The following RASEF variants were observed in gnomAD, a reference collection of about 807,000 sequenced individuals.
RASEF encodes the protein ras and EF-hand domain-containing protein.
In RASEF, 68 loss-of-function variants were observed where a neutral mutation model predicts 90.1. The observed-to-expected ratio is 0.75, with a 90% confidence interval of 0.62 to 0.92. The LOEUF (loss-of-function observed/expected upper bound fraction) is 0.92, where lower values mean the gene tolerates loss of function less well. RASEF is among the 40% of genes least tolerant of loss of function. The pLI is 0.00. For missense variants in RASEF, 949 were observed against 937.2 expected (o/e 1.01, Z -0.16); for synonymous variants, 331 against 345.2 (o/e 0.96, Z 0.46).
chr9:83,162,956 C>A, the RASEF span, among the ~76,000 whole-genome samples: 1 of 152,192 alleles, frequency 6.6e-6, no homozygotes, highest in African/African-American at 2.4e-5. Context: ...TACCCTTGTG[C>A]TTCAATTAGA....
chr9:83,181,650 G>A, the RASEF span, among the ~76,000 whole-genome samples: 7 of 152,030 alleles, frequency 4.6e-5, no homozygotes, highest in African/African-American at 7.2e-5. Flanking sequence ...AGTTATTAAA[G>A]GATAAAAAGA....
intron 1 of RASEF, among the ~76,000 whole-genome samples, chr9:83,039,148 A>G (rs1728698745): frequency 6.6e-6 from 1 of 152,198 alleles, no homozygotes; most frequent in African/African-American, 2.4e-5. Context: ...TATGCTATCT[A>G]GAAGCCAAAT....
intron 7 of RASEF, 136 bp downstream of exon 7, chr9:83,007,301 C>T: frequency 1.4e-6 from 1 of 706,172 alleles, no homozygotes. Context: ...CAAGTGCACA[C>T]CCTGAGAAGA....
intron 16 of RASEF, among the ~76,000 whole-genome samples, chr9:82,983,603 G>A (rs906385011): frequency 2.0e-5 from 3 of 152,200 alleles, no homozygotes; most frequent in Non-Finnish European, 4.4e-5. Context: ...GTCAGTGCCT[G>A]ATGCCTCTCC....
chr9:83,053,834 G>T (rs1481681570), intron 1 of RASEF, among the ~76,000 whole-genome samples: 90 of 104,360 alleles, frequency 8.6e-4, no homozygotes, highest in Middle Eastern at 8.8e-3. Flanking sequence ...GAAATTCTGG[G>T]TTGAAAATTC....
chr9:83,195,110 G>A, the RASEF span, among the ~76,000 whole-genome samples: 7 of 152,140 alleles, frequency 4.6e-5, no homozygotes, highest in Non-Finnish European at 1.0e-4. Context: ...TGGGCTGCCC[G>A]CATCTTCTTT....
intron 14 of RASEF, among the ~76,000 whole-genome samples, chr9:82,995,089 A>G (rs909274790): frequency 1.3e-5 from 2 of 152,226 alleles, no homozygotes; most frequent in Non-Finnish European, 2.9e-5. Flanking sequence ...TTAAGAATTC[A>G]TCTCTTCTAT....
At chr9:83,161,241 C>G in the RASEF span, among the ~76,000 whole-genome samples, 3 of 152,184 alleles carry the variant, frequency 2.0e-5, no homozygotes, top group East Asian at 3.9e-4. Context: ...AATGCCAGCC[C>G]ATGAAAGCAG....
chr9:83,151,229 T>C, the RASEF span, among the ~76,000 whole-genome samples: 1 of 152,188 alleles, frequency 6.6e-6, no homozygotes, highest in African/African-American at 2.4e-5. Flanking sequence ...TTACAGTAAA[T>C]GTACCCCTTC....
chr9:83,142,792 T>A, the RASEF span, among the ~76,000 whole-genome samples: 1 of 152,330 alleles, frequency 6.6e-6, no homozygotes, highest in Non-Finnish European at 1.5e-5. Flanking sequence ...TTCAGCTTAC[T>A]CATCTAAAAA....
At chr9:83,056,332 A>G (rs1327281753) in intron 1 of RASEF, among the ~76,000 whole-genome samples, 1 of 152,124 alleles carries the variant, frequency 6.6e-6, no homozygotes, top group African/African-American at 2.4e-5. Flanking sequence ...CCATTTTACA[A>G]CCTCATATGA....
At chr9:82,983,736 C>T (rs1564066780) in intron 16 of RASEF, among the ~76,000 whole-genome samples, 1 of 152,158 alleles carries the variant, frequency 6.6e-6, no homozygotes, top group African/African-American at 2.4e-5. Context: ...GTTTATAATG[C>T]GGGGCTGCAG....
chr9:83,111,942 A>G, the RASEF span, among the ~76,000 whole-genome samples: 2 of 152,044 alleles, frequency 1.3e-5, no homozygotes, highest in African/African-American at 4.8e-5. Flanking sequence ...TATTCTCTAT[A>G]CTAAGAGCTC....
At chr9:83,040,867 A>G (rs903794140) in intron 1 of RASEF, among the ~76,000 whole-genome samples, 6 of 152,024 alleles carry the variant, frequency 3.9e-5, no homozygotes, top group African/African-American at 1.4e-4. Context: ...TATTTTATAT[A>G]TATATTTTTT....
chr9:83,187,575 C>G, the RASEF span, among the ~76,000 whole-genome samples: 1 of 152,140 alleles, frequency 6.6e-6, no homozygotes, highest in African/African-American at 2.4e-5. Flanking sequence ...CAGTCCTGGA[C>G]AATCTACATC....
the RASEF span, among the ~76,000 whole-genome samples, chr9:83,137,476 A>G: frequency 6.6e-6 from 1 of 152,224 alleles, no homozygotes; most frequent in Non-Finnish European, 1.5e-5. Flanking sequence ...GACATCATTT[A>G]GCATACAGAA....
chr9:83,098,828 C>T, the RASEF span, among the ~76,000 whole-genome samples: 1 of 152,080 alleles, frequency 6.6e-6, no homozygotes, highest in Non-Finnish European at 1.5e-5. Flanking sequence ...GGAGAAAACC[C>T]CCCATGATTC....
rs1008832365 is a variant in RASEF at position 83,037,744 on chromosome 9, A to T, written c.432-11823T>A. Reference sequence around the variant, plus strand: ...CTTAGCAAATCATTGTAAATGTCCTATTTTTTTTTTTTTTTTTTGTAAACT... The same window carrying T: ...CTTAGCAAATCATTGTAAATGTCCTTTTTTTTTTTTTTTTTTTTGTAAACT... On this transcript the variant is annotated intron_variant, in intron 1 of 16. Coordinates refer to ENST00000376447, the MANE Select transcript of RASEF (RefSeq NM_152573.4). 1.1e-3 allele frequency among the ~76,000 whole-genome samples: 146 copies of T among 131,816 alleles called. 1 individual carries two copies. Among genetic ancestry groups the T allele is most frequent in the Middle Eastern group, 4.4e-3 (1 of 226 alleles). 86.5% of individuals were successfully genotyped at this position (131,816 alleles called of 152,430 possible).
At position 83,012,377 on chromosome 9, in the gene RASEF, C is replaced by T. The variant is rs900041005; in HGVS notation, c.843+57G>A. On this transcript the variant is annotated intron_variant, in intron 5 of 16. Coordinates refer to ENST00000376447, the MANE Select transcript of RASEF (RefSeq NM_152573.4). ...TCTTCCTGGAACACTGAAATAAGAG[C>T]ATGAGGATGTGGTCTAACAGGAAGT... The T allele has an allele frequency of 4.6e-6, 4 of 877,416 alleles. No homozygotes were observed. The African/African-American group carries it at 7.0e-5, about 15-fold the overall frequency. 54.4% of individuals were successfully genotyped at this position (877,416 alleles called of 1,614,324 possible). A position where few individuals can be genotyped will look rare whatever the true frequency, so the allele number is the denominator to read the frequency against.
Sources: gnomAD v4.1 joint callset for allele counts (sites outside exome capture counted in the v4.1 genomes callset) on GRCh38, gnomAD v4.1.1 for gene constraint, MANE v1.5 for transcripts, NCBI Gene and HGNC (gene_info 2026-07-23, HGNC 2026-07-21) for gene names.